Variants in FHL5 observed in about 807,000 individuals in gnomAD.
FHL5 encodes the protein four and a half LIM domains 5.
A neutral mutation model predicts 32.0 loss-of-function variants in FHL5; 33 were observed. The ratio of observed to expected loss-of-function variants is 1.03; its 90% CI spans 0.78 to 1.38. The LOEUF (loss-of-function observed/expected upper bound fraction) is 1.38. Among genes scored for constraint, FHL5 ranks in the 40% most tolerant of loss-of-function variants. The pLI, the probability that FHL5 is intolerant of heterozygous loss-of-function variation, is 0.00. For missense variants in FHL5, 336 were observed against 343.9 expected (o/e 0.98, Z 0.18); for synonymous variants, 114 against 113.6 (o/e 1.00, Z -0.02).
rs1324821928 is a variant in FHL5 at position 96,563,271 on chromosome 6, T to G, written c.-97T>G. ...CTTTCTGTTCCTTTTGGAGTTGACA[T>G]GCATGTGGATTGGAGGAAAAATAAT... On this transcript the variant is annotated 5_prime_UTR_variant, in exon 1 of 6. It removes an upstream start codon present in the reference 5' UTR. Transcript: ENST00000450218. 6.6e-6 allele frequency: 1 copy of G among 152,182 alleles called. No homozygotes were observed. Among genetic ancestry groups the G allele is most frequent in the Non-Finnish European group, 1.5e-5 (1 of 68,026 alleles). The allele number at this position is 152,182 out of a possible 1,614,324, so 9.4% of individuals were successfully genotyped here. A position where few individuals can be genotyped will look rare whatever the true frequency, so the allele number is the denominator to read the frequency against.
In FHL5 at chr6:96,615,758, G is replaced by A. The variant is rs371706431; in HGVS notation, c.841G>A (p.Asp281Asn). Residue 281 changes from aspartate (D) to asparagine (N), a missense_variant, in exon 6 of 6, where the codon GAC becomes AAC. Asp to Asn is a conservative substitution (Grantham distance 23). Transcript: ENST00000450218. Reference sequence around the variant, plus strand: ...CTGCCAAAAATGTGGCTCCGGAATGGACACTGACATCTAGGAGACAGTCCT... The same window carrying A: ...CTGCCAAAAATGTGGCTCCGGAATGAACACTGACATCTAGGAGACAGTCCT... ...IFCQKCGSGM[D>N]TDI 2.6e-5 allele frequency: 42 copies of A among 1,609,112 alleles called. No homozygotes were observed. The African/African-American group carries it at 5.1e-4, about 20-fold the overall frequency.
Position 96,572,147 on chromosome 6 carries a change from C to T in FHL5, c.-13+8792C>T, listed in dbSNP as rs966089227. On this transcript the variant is annotated intron_variant, in intron 1 of 5. Coordinates refer to ENST00000450218, the MANE Select transcript of FHL5 (RefSeq NM_001322466.2). ...CACTAATTCCCCAAGGGACAATGTG[C>T]CACTTCAGCTCAGGCTTGAAGGATG... is the stretch of plus-strand genomic sequence containing the variant. 4.6e-5 allele frequency among the ~76,000 whole-genome samples: 7 copies of T among 152,278 alleles called. No homozygotes were observed. In the East Asian group the frequency reaches 1.2e-3, roughly 25 times the overall value.
intron 1 of FHL5, among the ~76,000 whole-genome samples, chr6:96,563,818 G>A (rs904399036): frequency 2.6e-5 from 4 of 152,100 alleles, no homozygotes; most frequent in Non-Finnish European, 4.4e-5. Context: ...TAAGTAAAAG[G>A]AGTTAATGAG....
intron 1 of FHL5, among the ~76,000 whole-genome samples, chr6:96,602,573 A>G (rs1220071672): frequency 1.3e-5 from 2 of 150,950 alleles, no homozygotes; most frequent in African/African-American, 4.9e-5. Context: ...CAGCCTCCCG[A>G]GTAGCTGGGA....
chr6:96,589,067 T>C lies in FHL5; in HGVS notation c.-12-14535T>C, dbSNP rs557163115. Among the ~76,000 whole-genome samples the C allele has an allele frequency of 6.6e-5, 10 of 152,256 alleles. No homozygotes were observed. The East Asian group carries it at 1.9e-3, about 29-fold the overall frequency. On this transcript the variant is annotated intron_variant, in intron 1 of 5. Coordinates refer to ENST00000450218, the MANE Select transcript of FHL5 (RefSeq NM_001322466.2). ...TATGGATTCAATTTAATTTTTCCCA[T>C]GTAAATAACCAATTATTTCTGTATC...
intron 5 of FHL5, 151 bp downstream of exon 5, chr6:96,610,909 G>A (rs151293333): frequency 4.7e-5 from 28 of 598,712 alleles, no homozygotes; most frequent in African/African-American, 4.4e-4. Flanking sequence ...ATATATATGA[G>A]TATAAATATT....
chr6:96,571,281 G>GACCT (rs1770470126), intron 1 of FHL5, among the ~76,000 whole-genome samples: 1 of 152,198 alleles, frequency 6.6e-6, no homozygotes, highest in Admixed American at 6.5e-5. Context: ...AGGAATAACT[G>GACCT]TGGGTGCCTC....
At chr6:96,568,557 C>A (rs1243504670) in intron 1 of FHL5, among the ~76,000 whole-genome samples, 1 of 151,824 alleles carries the variant, frequency 6.6e-6, no homozygotes, top group Non-Finnish European at 1.5e-5. Context: ...TTCTATAAAT[C>A]TTTGGTAGAA....
At chr6:96,609,728 G>A (rs1771356917) in intron 4 of FHL5, among the ~76,000 whole-genome samples, 1 of 152,098 alleles carries the variant, frequency 6.6e-6, no homozygotes, top group African/African-American at 2.4e-5. Flanking sequence ...ATTTTCAACT[G>A]CTTATCTGTG....
intron 1 of FHL5, among the ~76,000 whole-genome samples, chr6:96,570,764 G>T (rs1344212231): frequency 1.3e-5 from 2 of 151,824 alleles, no homozygotes; most frequent in Non-Finnish European, 2.9e-5. Context: ...TTTTCTGCTT[G>T]ATCAAGTCTG....
chr6:96,584,857 A>G (rs928004408), intron 1 of FHL5, among the ~76,000 whole-genome samples: 1 of 152,188 alleles, frequency 6.6e-6, no homozygotes, highest in Non-Finnish European at 1.5e-5. Flanking sequence ...AATGCTTCTA[A>G]GGTAGAATTA....
chr6:96,571,675 TC>T (rs1339741801), intron 1 of FHL5, among the ~76,000 whole-genome samples: 1 of 152,112 alleles, frequency 6.6e-6, no homozygotes, highest in East Asian at 1.9e-4. Context: ...TAGCTGTGAT[TC>T]TACCCCTGGG....
At chr6:96,603,522 C>A in intron 1 of FHL5, 80 bp from the exon 2 acceptor site, 1 of 1,013,182 alleles carries the variant, frequency 9.9e-7, no homozygotes, top group Non-Finnish European at 1.5e-6. Context: ...ATGCTTCACT[C>A]ACATTATATT....
At chr6:96,590,293 G>A (rs1371540899) in intron 1 of FHL5, among the ~76,000 whole-genome samples, 2 of 151,872 alleles carry the variant, frequency 1.3e-5, no homozygotes, top group African/African-American at 4.8e-5. Flanking sequence ...TTCCTTCCAT[G>A]TATTTATTTT....
intron 2 of FHL5, 106 bp from the exon 3 acceptor site, chr6:96,604,644 G>A: frequency 1.3e-6 from 1 of 783,966 alleles, no homozygotes; most frequent in Non-Finnish European, 1.9e-6. Context: ...CACGCTACTA[G>A]CACAACCTAC....
At chr6:96,609,563 G>A (rs1374937905) in intron 4 of FHL5, among the ~76,000 whole-genome samples, 1 of 152,172 alleles carries the variant, frequency 6.6e-6, no homozygotes, top group Non-Finnish European at 1.5e-5. Context: ...TTACATCTCA[G>A]GCAAAACACT....
intron 1 of FHL5, among the ~76,000 whole-genome samples, chr6:96,594,411 G>A (rs368962419): frequency 5.3e-5 from 8 of 151,506 alleles, no homozygotes; most frequent in African/African-American, 1.9e-4. Flanking sequence ...ACATGGCTAG[G>A]TCAAGGGGCA....
Position 96,602,426 on chromosome 6 carries a change from C to CTTCTTT in FHL5, c.-12-1174_-12-1173insCTTTTT, listed in dbSNP as rs1771169396. Reference sequence around the variant, plus strand: ...ACCTGGAAATCTATATGCGTTGTTTCTTTTTTTTTTTTTTTTTTTTTTTTT... The same window carrying CTTCTTT: ...ACCTGGAAATCTATATGCGTTGTTTCTTCTTTTTTTTTTTTTTTTTTTTTTTTTTTT... On this transcript the variant is annotated intron_variant, in intron 1 of 5. Transcript: ENST00000450218. Among the ~76,000 whole-genome samples the CTTCTTT allele has an allele frequency of 5.9e-5, 2 of 33,684 alleles. 1 individual carries two copies. Among genetic ancestry groups the CTTCTTT allele is most frequent in the African/African-American group, 1.7e-4 (2 of 12,024 alleles). 22.1% of individuals were successfully genotyped at this position (33,684 alleles called of 152,430 possible).
intron 5 of FHL5, among the ~76,000 whole-genome samples, 183 bp downstream of exon 5, chr6:96,610,941 T>C (rs184399990): frequency 1.8e-4 from 27 of 152,322 alleles, no homozygotes; most frequent in African/African-American, 6.3e-4. Context: ...TCAAGGAAAG[T>C]ACAAGAGTAT....
Sources: allele counts gnomAD v4.1 joint callset (sites outside exome capture counted in the v4.1 genomes callset), GRCh38; gene constraint gnomAD v4.1.1; transcripts MANE v1.5; gene names NCBI Gene and HGNC (gene_info 2026-07-23, HGNC 2026-07-21).